Variants in FGF13 observed in about 807,000 individuals in gnomAD.
FGF13 encodes the protein fibroblast growth factor 13.
Under a neutral mutation model 19.5 loss-of-function variants are expected in FGF13, and 2 were observed. The observed-to-expected ratio is 0.10, with a 90% CI of 0.04 to 0.32. The LOEUF (loss-of-function observed/expected upper bound fraction) is 0.32, where lower values mean the gene tolerates loss of function less well. Ranked by LOEUF, FGF13 falls within the 10% of genes least tolerant of loss-of-function variation. FGF13 has a pLI of 1.00. For synonymous variants in FGF13, 72 were observed against 76.9 expected, an observed-to-expected ratio of 0.94 and a Z score of 0.33; for missense variants, 113 against 192.7, an observed-to-expected ratio of 0.59 and a Z score of 2.45.
intron 1 of FGF13, among the ~76,000 whole-genome samples, chrX:138,926,544 CAA>C (rs200105440): frequency 0.021 from 2,395 of 111,646 alleles, 57 homozygotes; most frequent in African/African-American, 0.075. Context: ...GAGCGATAAG[CAA>C]AGACTTGAAT....
rs774119830 is a variant in FGF13 at position 139,087,161 on chromosome X, C to T, written c.-113+116255G>A. On this transcript the variant is annotated intron_variant, in intron 1 of 2. Coordinates refer to the FGF13 transcript ENST00000421460. ...AAAATACAAAATTAGCCGGGCGTGG[C>T]GGTGCACACCTGTAATCCCAGCTAC... Among the ~76,000 whole-genome samples, 155 of 111,038 alleles carry T rather than the reference C, an allele frequency of 1.4e-3. 1 individual carries two copies. Among genetic ancestry groups the T allele is most frequent in the Non-Finnish European group, 2.3e-3 (121 of 52,985 alleles).
chrX:139,076,296 G>T (rs2083332335), intron 1 of FGF13, among the ~76,000 whole-genome samples: 1 of 112,104 alleles, frequency 8.9e-6, no homozygotes, highest in Non-Finnish European at 1.9e-5. Context: ...TTTGTGATTT[G>T]AATGTGCTCT....
At chrX:138,782,067 A>T (rs1385693576) in intron 3 of FGF13, among the ~76,000 whole-genome samples, 4 of 112,026 alleles carry the variant, frequency 3.6e-5, no homozygotes, top group Non-Finnish European at 7.5e-5. Context: ...CCACATGATT[A>T]TCTCAATAGA....
chrX:139,173,802 T>G (rs1013222833), intron 1 of FGF13, among the ~76,000 whole-genome samples: 10 of 112,169 alleles, frequency 8.9e-5, no homozygotes, highest in Non-Finnish European at 1.9e-4. Flanking sequence ...CAGTCTATCA[T>G]TGATGGGCAT....
intron 1 of FGF13, among the ~76,000 whole-genome samples, chrX:139,147,031 T>C (rs10218305): frequency 0.062 from 6,714 of 109,064 alleles, 419 homozygotes; most frequent in African/African-American, 0.18. Context: ...GACAAGTTAA[T>C]GGGTATAGCA....
intron 1 of FGF13, among the ~76,000 whole-genome samples, chrX:139,173,794 G>A (rs1054878893): frequency 8.9e-6 from 1 of 111,862 alleles, no homozygotes; most frequent in African/African-American, 3.3e-5. Flanking sequence ...TCTTTATCCA[G>A]TCTATCATTG....
upstream of FGF13, among the ~76,000 whole-genome samples, chrX:138,713,748 G>A (rs1182336524): frequency 8.9e-6 from 1 of 112,086 alleles, no homozygotes; most frequent in Non-Finnish European, 1.9e-5. Flanking sequence ...AGAATTATTG[G>A]TGTGGACACT....
At chrX:139,009,180 T>C (rs1317384547) in intron 1 of FGF13, among the ~76,000 whole-genome samples, 1 of 111,941 alleles carries the variant, frequency 8.9e-6, no homozygotes, top group Non-Finnish European at 1.9e-5. Context: ...CTAACAATAA[T>C]TGGTGTTCCT....
At chrX:139,049,430 C>A (rs1681718634) in intron 1 of FGF13, among the ~76,000 whole-genome samples, 1 of 112,230 alleles carries the variant, frequency 8.9e-6, no homozygotes, top group South Asian at 3.7e-4. Context: ...TTCTGTCACT[C>A]TTCCCCTCCA....
At chrX:139,153,363 T>A (rs183315510) in intron 1 of FGF13, among the ~76,000 whole-genome samples, 205 of 106,140 alleles carry the variant, frequency 1.9e-3, no homozygotes, top group African/African-American at 6.4e-3. Flanking sequence ...AAAAAAAAAG[T>A]CCTATCCTAA....
In FGF13 at chrX:138,623,732, A is replaced by T. The variant is rs1323075812; in HGVS notation, c.*9118T>A. The T allele has an allele frequency of 9.0e-6, 1 of 111,457 alleles. No individual in the cohort carries two copies. Among genetic ancestry groups the T allele is most frequent in the Non-Finnish European group, 1.9e-5 (1 of 53,171 alleles). 9.2% of individuals were successfully genotyped at this position (111,457 alleles called of 1,213,427 possible). On this transcript the variant is annotated 3_prime_UTR_variant, in exon 5 of 5. Transcript: ENST00000315930. ...GCAGAGGTTGTGGTGAGCCAAGATC[A>T]CACCACTGCACTCCAGCCTGGGTGA...
chrX:138,674,886 G>C (rs2089649695), intron 3 of FGF13, among the ~76,000 whole-genome samples: 2 of 111,437 alleles, frequency 1.8e-5, no homozygotes, highest in African/African-American at 3.3e-5. Context: ...AAGATTTATA[G>C]CAAGAGTAAT....
intron 1 of FGF13, among the ~76,000 whole-genome samples, chrX:139,139,353 T>A (rs1354013927): frequency 8.9e-6 from 1 of 112,415 alleles, no homozygotes; most frequent in Non-Finnish European, 1.9e-5. Context: ...AAAATAGGTA[T>A]GAGTTATGCA....
chrX:139,145,802 T>C (rs780469299), intron 1 of FGF13, among the ~76,000 whole-genome samples: 177 of 111,767 alleles, frequency 1.6e-3, no homozygotes, highest in Non-Finnish European at 2.6e-3. Flanking sequence ...TAAGCTATTG[T>C]TTCTTCAACT....
intron 1 of FGF13, among the ~76,000 whole-genome samples, chrX:138,882,302 T>C (rs2091430223): frequency 9.0e-6 from 1 of 111,257 alleles, no homozygotes; most frequent in Admixed American, 9.6e-5. Flanking sequence ...TAACATATGG[T>C]CTATCCTAGA....
chrX:138,782,451 C>A (rs2090653065), intron 3 of FGF13, among the ~76,000 whole-genome samples: 1 of 110,836 alleles, frequency 9.0e-6, no homozygotes, highest in African/African-American at 3.3e-5. Context: ...AGCTGATAAG[C>A]AACTTCAGCA....
At chrX:138,881,998 T>C (rs953089223) in intron 1 of FGF13, among the ~76,000 whole-genome samples, 4 of 110,767 alleles carry the variant, frequency 3.6e-5, no homozygotes, top group South Asian at 3.8e-4. Context: ...AGTTAGGTTA[T>C]TGATTTGATA....
At chrX:138,664,543 A>G (rs2089521059) in intron 3 of FGF13, among the ~76,000 whole-genome samples, 1 of 103,561 alleles carries the variant, frequency 9.7e-6, no homozygotes, top group Non-Finnish European at 2.0e-5. Flanking sequence ...ATCTTCAAAC[A>G]CTAGTTTGCA....
At chrX:139,060,257 T>C (rs1310489583) in intron 1 of FGF13, among the ~76,000 whole-genome samples, 2 of 111,397 alleles carry the variant, frequency 1.8e-5, no homozygotes, top group Non-Finnish European at 3.8e-5. Context: ...CAATAAAATC[T>C]CATAATATGT....
Sources: allele counts gnomAD v4.1 joint callset (sites outside exome capture counted in the v4.1 genomes callset), GRCh38; gene constraint gnomAD v4.1.1; transcripts MANE v1.5; gene names NCBI Gene and HGNC (gene_info 2026-07-23, HGNC 2026-07-21).